NFIL3: variants seen among roughly 807,000 people sequenced by gnomAD.
The protein encoded by NFIL3 is nuclear factor interleukin-3-regulated protein.
In NFIL3, 5 loss-of-function variants were observed where a neutral mutation model predicts 10.0. That is an observed-to-expected ratio of 0.50 (90% confidence interval 0.26 to 1.06). NFIL3 has a LOEUF of 1.06. NFIL3 is among the 50% of genes least tolerant of loss of function. The pLI is 0.13. For missense variants in NFIL3, 436 were observed against 547.6 expected, an observed-to-expected ratio of 0.80 and a Z score of 2.03; for synonymous variants, 202 against 206.5, an observed-to-expected ratio of 0.98 and a Z score of 0.19.
In NFIL3 at chr9:91,409,156, A is replaced by G. The variant is rs114206036; in HGVS notation, c.*190T>C. ...GCCTTCGCATGGACTATCTGACTAT[A>G]CACAGGCAGAGTGATAACACAATCT... On this transcript the variant is annotated 3_prime_UTR_variant, in exon 2 of 2. Coordinates refer to ENST00000297689, the MANE Select transcript of NFIL3 (RefSeq NM_005384.3). 526 of 571,704 alleles carry G rather than the reference A, an allele frequency of 9.2e-4. 2 individuals are homozygous for G. The highest frequency in any genetic ancestry group is 8.5e-3 in the African/African-American group (453 of 53,478). The allele number at this position is 571,704 out of a possible 1,614,324, so 35.4% of individuals were successfully genotyped here. A position where few individuals can be genotyped will look rare whatever the true frequency, so the allele number is the denominator to read the frequency against.
At chr9:91,411,835 G>T (rs976786633) in intron 1 of NFIL3, among the ~76,000 whole-genome samples, 1 of 152,008 alleles carries the variant, frequency 6.6e-6, no homozygotes, top group African/African-American at 2.4e-5. Flanking sequence ...GGGCACGGTG[G>T]CTCACACTTG....
chr9:91,430,877 C>T, the NFIL3 span, among the ~76,000 whole-genome samples: 1 of 152,182 alleles, frequency 6.6e-6, no homozygotes, highest in Non-Finnish European at 1.5e-5. Flanking sequence ...AACTCCTGGC[C>T]TCAAGTGATC....
the NFIL3 span, among the ~76,000 whole-genome samples, chr9:91,435,592 T>A: frequency 4.6e-5 from 7 of 152,096 alleles, no homozygotes; most frequent in Non-Finnish European, 8.8e-5. Context: ...CTGAATCAGT[T>A]TTAGAGACAT....
the NFIL3 span, among the ~76,000 whole-genome samples, chr9:91,455,992 GATTA>G: frequency 6.6e-6 from 1 of 152,140 alleles, no homozygotes; most frequent in Non-Finnish European, 1.5e-5. Context: ...TGTCATTGGA[GATTA>G]ATTCACACTG....
At chr9:91,429,565 G>A in the NFIL3 span, among the ~76,000 whole-genome samples, 293 of 152,184 alleles carry the variant, frequency 1.9e-3, no homozygotes, top group African/African-American at 6.5e-3. Flanking sequence ...TTCTGGAGTC[G>A]TTTGTTTCAG....
the NFIL3 span, among the ~76,000 whole-genome samples, chr9:91,432,465 T>C: frequency 6.6e-6 from 1 of 152,216 alleles, no homozygotes; most frequent in Non-Finnish European, 1.5e-5. Flanking sequence ...AGCCAATTTC[T>C]TTCGGAACCT....
intron 1 of NFIL3, among the ~76,000 whole-genome samples, chr9:91,415,226 A>AC (rs1299757159): frequency 6.6e-6 from 1 of 152,184 alleles, no homozygotes; most frequent in Non-Finnish European, 1.5e-5. Context: ...AGTTGCACAA[A>AC]CATGGGCCTG....
chr9:91,447,600 C>G, the NFIL3 span, among the ~76,000 whole-genome samples: 1 of 152,140 alleles, frequency 6.6e-6, no homozygotes, highest in African/African-American at 2.4e-5. Context: ...TGTTGAGTAT[C>G]TTATCGCATC....
chr9:91,426,392 A>C (rs528073053), upstream of NFIL3: 1 of 152,210 alleles, frequency 6.6e-6, no homozygotes, highest in Admixed American at 6.5e-5. Context: ...ACATTCACAG[A>C]GTAGGTAAGT....
chr9:91,430,924 C>T, the NFIL3 span, among the ~76,000 whole-genome samples: 1 of 152,156 alleles, frequency 6.6e-6, no homozygotes. Flanking sequence ...GGATTATGAC[C>T]AAAGTCTTAA....
intron 1 of NFIL3, among the ~76,000 whole-genome samples, chr9:91,419,671 C>T (rs1413291400): frequency 6.6e-6 from 1 of 152,184 alleles, no homozygotes; most frequent in Non-Finnish European, 1.5e-5. Context: ...GATAACAGAG[C>T]CCCTCAACAC....
chr9:91,465,950 C>T, the NFIL3 span, among the ~76,000 whole-genome samples: 1 of 151,664 alleles, frequency 6.6e-6, no homozygotes, highest in Non-Finnish European at 1.5e-5. Flanking sequence ...ATACTACAGC[C>T]CTGTAGGCAT....
the NFIL3 span, among the ~76,000 whole-genome samples, chr9:91,475,023 A>G: frequency 6.6e-3 from 1,011 of 152,336 alleles, 10 homozygotes; most frequent in African/African-American, 0.023. Flanking sequence ...TGTGAGACCT[A>G]CTAGCCCTAA....
chr9:91,436,678 C>T, the NFIL3 span, among the ~76,000 whole-genome samples: 1 of 152,166 alleles, frequency 6.6e-6, no homozygotes, highest in Non-Finnish European at 1.5e-5. Context: ...GCAGGACCTA[C>T]GTCATATGCC....
At chr9:91,454,383 C>T in the NFIL3 span, among the ~76,000 whole-genome samples, 4 of 151,900 alleles carry the variant, frequency 2.6e-5, no homozygotes, top group East Asian at 1.9e-4. Flanking sequence ...ACAATATTTG[C>T]CTTTTTGTAT....
At chr9:91,443,873 A>G in the NFIL3 span, among the ~76,000 whole-genome samples, 1 of 152,048 alleles carries the variant, frequency 6.6e-6, no homozygotes, top group Non-Finnish European at 1.5e-5. Flanking sequence ...AGCTGCCATC[A>G]TTTACTTTTG....
chr9:91,409,991 C>T lies in NFIL3; in HGVS notation c.744G>A (p.Met248Ile), dbSNP rs868717626. ...GTGAGTACCCAGAGAAAGAATTCCCCATATAGTTTTGATAGATGGACGCTG... is the reference window on the plus strand; with the variant it reads ...GTGAGTACCCAGAGAAAGAATTCCCTATATAGTTTTGATAGATGGACGCTG... ...SYTASIYQNYMGNSFSGYSHS... is the reference protein window; with the variant it reads ...SYTASIYQNYIGNSFSGYSHS... The change falls in exon 2 of 2, where the codon ATG becomes ATA. Residue 248 changes from methionine to isoleucine, a missense_variant. Met to Ile is a conservative substitution (Grantham distance 10). Transcript: ENST00000297689. 1 of 1,613,220 alleles carries T rather than the reference C, an allele frequency of 6.2e-7. No homozygotes were observed. Among genetic ancestry groups the T allele is most frequent in the Non-Finnish European group, 8.5e-7 (1 of 1,180,002 alleles).
the NFIL3 span, among the ~76,000 whole-genome samples, chr9:91,443,967 A>G: frequency 6.6e-6 from 1 of 152,218 alleles, no homozygotes; most frequent in Non-Finnish European, 1.5e-5. Context: ...AGACATTAAT[A>G]TCTTTCTCAA....
At chr9:91,476,630 T>C in the NFIL3 span, among the ~76,000 whole-genome samples, 1 of 151,564 alleles carries the variant, frequency 6.6e-6, no homozygotes, top group Non-Finnish European at 1.5e-5. Context: ...TGTTTCAACC[T>C]TTGGTAGTCT....
Sources: gnomAD v4.1 joint callset for allele counts (sites outside exome capture counted in the v4.1 genomes callset) on GRCh38, gnomAD v4.1.1 for gene constraint, MANE v1.5 for transcripts, NCBI Gene and HGNC (gene_info 2026-07-23, HGNC 2026-07-21) for gene names.